RIMBP2: variants seen among roughly 807,000 people sequenced by gnomAD.
The protein encoded by RIMBP2 is RIMS binding protein 2, also known as RIMS-binding protein 2.
In RIMBP2, 48 loss-of-function variants were observed where a neutral mutation model predicts 118.6. That is an observed-to-expected ratio of 0.40 (90% CI 0.32 to 0.51). RIMBP2 has a LOEUF of 0.51. Ranked by LOEUF, RIMBP2 falls within the 20% of genes least tolerant of loss-of-function variation. The pLI is 0.41. For missense variants in RIMBP2, 1,551 were observed against 1,768.3 expected (o/e 0.88, Z 2.20); for synonymous variants, 762 against 742.9 (o/e 1.03, Z -0.42).
At position 130,396,570 on chromosome 12, in the gene RIMBP2, G is replaced by A. The variant is rs367820341; in HGVS notation, c.*791C>T. On this transcript the variant is annotated 3_prime_UTR_variant, in exon 23 of 23. Coordinates refer to ENST00000690449, the MANE Select transcript of RIMBP2 (RefSeq NM_001393629.1). ...TTACTTGTGTGCCATTCATTGCTGT[G>A]TATTTGGGTATGGCATTTTGACAAC... The A allele has an allele frequency of 6.6e-6, 1 of 152,612 alleles. No homozygotes were observed. The highest frequency in any genetic ancestry group is 2.4e-5 in the African/African-American group (1 of 41,446). The allele number at this position is 152,612 out of a possible 1,614,324, so 9.5% of individuals were successfully genotyped here.
In RIMBP2 at chr12:130,573,766, C is replaced by T. The variant is rs532983237; in HGVS notation, c.-217+54556G>A. On this transcript the variant is annotated intron_variant, in intron 2 of 22. Transcript: ENST00000690449. The stretch of plus-strand genomic sequence containing the variant: ...GGAAGCCAAGTCAGCATGACACAGC[C>T]GAGCTGCCAAACTTTGGGATGTGGG... Among the ~76,000 whole-genome samples, 78 of 152,144 alleles carry T rather than the reference C, an allele frequency of 5.1e-4. 3 individuals carry two copies. In the South Asian group the frequency reaches 0.015, roughly 29 times the overall value.
chr12:130,488,050 T>C (rs1010821097), intron 4 of RIMBP2, among the ~76,000 whole-genome samples: 2 of 152,194 alleles, frequency 1.3e-5, no homozygotes, highest in Non-Finnish European at 2.9e-5. Flanking sequence ...ATTAACATTT[T>C]CTAAGTGGAA....
At chr12:130,494,984 C>A (rs529331696) in intron 4 of RIMBP2, among the ~76,000 whole-genome samples, 1 of 152,206 alleles carries the variant, frequency 6.6e-6, no homozygotes, top group African/African-American at 2.4e-5. Flanking sequence ...GGCGTGGCCA[C>A]GATGCTTGGT....
At chr12:130,505,449 G>A (rs949761744) in intron 4 of RIMBP2, among the ~76,000 whole-genome samples, 19 of 147,248 alleles carry the variant, frequency 1.3e-4, no homozygotes, top group African/African-American at 4.3e-4. Flanking sequence ...CCCCTTAGTG[G>A]TCACTCCTCA....
chr12:130,509,173 CTAAT>C (rs573880347), intron 3 of RIMBP2, among the ~76,000 whole-genome samples: 65 of 152,342 alleles, frequency 4.3e-4, no homozygotes, highest in South Asian at 6.2e-4. Flanking sequence ...CCTACCTTCC[CTAAT>C]TGATTAGGGC....
At chr12:130,627,984 G>A (rs951058484) in intron 2 of RIMBP2, among the ~76,000 whole-genome samples, 1 of 152,188 alleles carries the variant, frequency 6.6e-6, no homozygotes, top group Non-Finnish European at 1.5e-5. Flanking sequence ...CATTGTTCTT[G>A]AGATTTAGAA....
At chr12:130,635,763 G>T (rs1242579069) in intron 1 of RIMBP2, among the ~76,000 whole-genome samples, 3 of 152,148 alleles carry the variant, frequency 2.0e-5, no homozygotes, top group African/African-American at 7.2e-5. Flanking sequence ...GGGCCCAGGG[G>T]TGCAGTCCCA....
At chr12:130,583,362 G>A (rs1257666431) in intron 2 of RIMBP2, among the ~76,000 whole-genome samples, 5 of 152,072 alleles carry the variant, frequency 3.3e-5, no homozygotes, top group Admixed American at 6.5e-5. Flanking sequence ...GTAGGTGCTA[G>A]TTATCATCAT....
At chr12:130,423,320 G>A (rs2076536169) in intron 16 of RIMBP2, among the ~76,000 whole-genome samples, 1 of 152,216 alleles carries the variant, frequency 6.6e-6, no homozygotes, top group African/African-American at 2.4e-5. Flanking sequence ...GGAGGCTGCG[G>A]GCTGCCGTGG....
rs2081377122 is a variant in RIMBP2, at chr12:130,475,797, C to T, written c.102+3115G>A. On this transcript the variant is annotated intron_variant, in intron 5 of 22. Transcript: ENST00000690449. This position sits in a 1 kb window ranked among gnomAD's most constrained non-coding sequence, Gnocchi z 4.1. ...AGGGAAAGGAAGAGCTGTACAAAAA[C>T]GGGAGATGCTGCCGTTTACGGAGCT... Among the ~76,000 whole-genome samples the T allele has an allele frequency of 6.6e-6, 1 of 151,950 alleles. No homozygotes were observed. The highest frequency in any genetic ancestry group is 1.5e-5 in the Non-Finnish European group (1 of 67,996).
In RIMBP2 at chr12:130,438,345, C is replaced by A; in HGVS notation, c.1656+20G>T. 2.0e-6 allele frequency: 3 copies of A among 1,482,654 alleles called. No individual in the cohort carries two copies. Among genetic ancestry groups the A allele is most frequent in the African/African-American group, 2.7e-5 (2 of 73,418 alleles). The allele number at this position is 1,482,654 out of a possible 1,614,324, so 91.8% of individuals were successfully genotyped here. A position where few individuals can be genotyped will look rare whatever the true frequency, so the allele number is the denominator to read the frequency against. Reference sequence around the variant, plus strand: ...GTTAGGGCCTAACAAACCCTCCCCACCCACCCAACGAAAACTCACCCTCTG... The same window carrying A: ...GTTAGGGCCTAACAAACCCTCCCCAACCACCCAACGAAAACTCACCCTCTG... On this transcript the variant is annotated intron_variant, in intron 12 of 22. Coordinates refer to ENST00000690449, the MANE Select transcript of RIMBP2 (RefSeq NM_001393629.1).
intron 1 of RIMBP2, among the ~76,000 whole-genome samples, chr12:130,714,032 T>C (rs1950152041): frequency 6.6e-6 from 1 of 152,218 alleles, no homozygotes; most frequent in Admixed American, 6.5e-5. Flanking sequence ...TTCTGAGATT[T>C]GTAGCCCCTT....
At chr12:130,662,395 C>T (rs1298801417) in intron 1 of RIMBP2, among the ~76,000 whole-genome samples, 1 of 152,146 alleles carries the variant, frequency 6.6e-6, no homozygotes, top group Non-Finnish European at 1.5e-5. Context: ...CGGTGGCTCA[C>T]GCCTGTAATC....
chr12:130,624,469 CGT>C (rs745607904), intron 2 of RIMBP2, among the ~76,000 whole-genome samples: 1 of 151,734 alleles, frequency 6.6e-6, no homozygotes, highest in Admixed American at 6.6e-5. Context: ...TACACCAAGA[CGT>C]GTGTGTGTGT....
chr12:130,624,713 C>G (rs184670792), intron 2 of RIMBP2, among the ~76,000 whole-genome samples: 1 of 152,194 alleles, frequency 6.6e-6, no homozygotes, highest in African/African-American at 2.4e-5. Flanking sequence ...ATTTAATTCA[C>G]TTTAACTAGG....
At chr12:130,602,500 GA>G (rs1243767825) in intron 2 of RIMBP2, among the ~76,000 whole-genome samples, 6 of 152,202 alleles carry the variant, frequency 3.9e-5, no homozygotes, top group Non-Finnish European at 5.9e-5. Context: ...ACAAGTCCCA[GA>G]AATTCGGCCA....
intron 12 of RIMBP2, 146 bp from the exon 13 acceptor site, chr12:130,437,437 A>G: frequency 1.5e-6 from 1 of 676,004 alleles, no homozygotes; most frequent in Non-Finnish European, 2.5e-6. Flanking sequence ...CCAGGTATGG[A>G]AGCTCCAGGA....
chr12:130,406,265 T>C, intron 20 of RIMBP2, 22 bp from the exon 21 acceptor site: 2 of 1,522,738 alleles, frequency 1.3e-6, no homozygotes, highest in Non-Finnish European at 1.8e-6. Flanking sequence ...AAACATAAAA[T>C]TAATCGTATT....
chr12:130,669,615 TA>T (rs1441544574), intron 1 of RIMBP2, among the ~76,000 whole-genome samples: 1 of 152,186 alleles, frequency 6.6e-6, no homozygotes, highest in Non-Finnish European at 1.5e-5. Context: ...GCCATGGTTG[TA>T]AGTTTCCTGA....
Sources: gnomAD v4.1 joint callset for allele counts (sites outside exome capture counted in the v4.1 genomes callset) on GRCh38, gnomAD v4.1.1 for gene constraint, Gnocchi (gnomAD v3.1) non-coding constraint, MANE v1.5 for transcripts, NCBI Gene and HGNC (gene_info 2026-07-23, HGNC 2026-07-21) for gene names.